RARS2: variants seen among roughly 807,000 people sequenced by gnomAD.
RARS2 encodes arginyl-tRNA synthetase 2, mitochondrial.
In RARS2, 67 loss-of-function variants were observed where a neutral mutation model predicts 88.5. The observed-to-expected ratio is 0.76, with a 90% CI of 0.62 to 0.93. The LOEUF (loss-of-function observed/expected upper bound fraction) is 0.93. Ranked by LOEUF, RARS2 falls within the 40% of genes least tolerant of loss-of-function variation. The pLI, the probability that RARS2 is intolerant of heterozygous loss-of-function variation, is 0.00. For synonymous variants in RARS2, 239 were observed against 230.3 expected, an observed-to-expected ratio of 1.04 and a Z score of -0.34; for missense variants, 664 against 684.2, an observed-to-expected ratio of 0.97 and a Z score of 0.33.
At chr6:87,535,038 T>C (rs1470608308) in intron 8 of RARS2, among the ~76,000 whole-genome samples, 1 of 108,780 alleles carries the variant, frequency 9.2e-6, no homozygotes, top group Non-Finnish European at 1.8e-5. Context: ...TTGCATGATT[T>C]AGTAGGTGGG....
intron 14 of RARS2, 59 bp from the exon 15 acceptor site, chr6:87,518,950 C>G (rs1366723326): frequency 1.3e-6 from 2 of 1,537,790 alleles, no homozygotes; most frequent in Non-Finnish European, 1.8e-6. Context: ...ATCATGGATC[C>G]AAGTGAAGGT....
chr6:87,539,174 T>A (rs1256889395), intron 8 of RARS2, among the ~76,000 whole-genome samples: 2 of 152,120 alleles, frequency 1.3e-5, no homozygotes, highest in African/African-American at 4.8e-5. Flanking sequence ...AAAGAATAAC[T>A]CTCACATGTC....
intron 7 of RARS2, among the ~76,000 whole-genome samples, chr6:87,542,372 A>G (rs529932845): frequency 6.6e-6 from 1 of 152,334 alleles, no homozygotes; most frequent in South Asian, 2.1e-4. Context: ...ATGAAGCTAG[A>G]CACTAGGCAC....
intron 11 of RARS2, among the ~76,000 whole-genome samples, chr6:87,523,671 G>A (rs140537202): frequency 1.3e-5 from 2 of 152,044 alleles, no homozygotes; most frequent in Non-Finnish European, 2.9e-5. Flanking sequence ...AAAAATATAG[G>A]TGTTGAAAAA....
At chr6:87,588,696 C>A (rs4552702) in intron 1 of RARS2, among the ~76,000 whole-genome samples, 60,869 of 151,998 alleles carry the variant, frequency 0.4, 12,293 homozygotes, top group Admixed American at 0.48. Flanking sequence ...CAATAGAAAA[C>A]CTCAATAGTT....
intron 17 of RARS2, 81 bp from the exon 18 acceptor site, chr6:87,516,961 T>C: frequency 4.4e-6 from 7 of 1,582,364 alleles, no homozygotes; most frequent in Non-Finnish European, 6.0e-6. Flanking sequence ...ATTGTGAATA[T>C]AAGGTTGACT....
At chr6:87,526,225 A>G (rs555102800) in intron 10 of RARS2, among the ~76,000 whole-genome samples, 1 of 152,308 alleles carries the variant, frequency 6.6e-6, no homozygotes, top group Admixed American at 6.5e-5. Context: ...AGCAAAAAGA[A>G]TAAAGTTGGG....
chr6:87,533,291 T>G (rs1157637652), intron 8 of RARS2, among the ~76,000 whole-genome samples: 1 of 152,136 alleles, frequency 6.6e-6, no homozygotes, highest in African/African-American at 2.4e-5. Flanking sequence ...CCTTAAAACG[T>G]GAATATTCTT....
intron 2 of RARS2, among the ~76,000 whole-genome samples, chr6:87,568,022 C>T (rs910522885): frequency 1.8e-4 from 27 of 152,072 alleles, no homozygotes; most frequent in Non-Finnish European, 2.5e-4. Context: ...CTGCCTGCCT[C>T]GGCCTCCCAA....
chr6:87,589,284 G>C (rs1205310657), intron 1 of RARS2, among the ~76,000 whole-genome samples: 2 of 152,190 alleles, frequency 1.3e-5, no homozygotes, highest in Non-Finnish European at 2.9e-5. Context: ...GCAGAGGAGG[G>C]AGGACAGCTT....
intron 8 of RARS2, among the ~76,000 whole-genome samples, chr6:87,534,052 T>C (rs1778396016): frequency 6.6e-6 from 1 of 151,982 alleles, no homozygotes; most frequent in Admixed American, 6.6e-5. Context: ...AAAGAACATG[T>C]AAAAATATTC....
intron 12 of RARS2, among the ~76,000 whole-genome samples, chr6:87,521,198 C>A (rs890803778): frequency 6.6e-6 from 1 of 151,956 alleles, no homozygotes; most frequent in Non-Finnish European, 1.5e-5. Context: ...AAATAAAAAA[C>A]AAAAAAACTT....
At chr6:87,524,720 A>C (rs2128036637) in intron 10 of RARS2, 68 bp from the exon 11 acceptor site, 2 of 1,110,832 alleles carry the variant, frequency 1.8e-6, no homozygotes, top group East Asian at 2.4e-5. Context: ...TTAATATCTA[A>C]AACATTAGCA....
chr6:87,535,161 G>C (rs1778740032), intron 8 of RARS2, among the ~76,000 whole-genome samples: 2 of 151,976 alleles, frequency 1.3e-5, no homozygotes, highest in Admixed American at 1.3e-4. Flanking sequence ...ATTCATACTA[G>C]CCATAACAGT....
intron 2 of RARS2, among the ~76,000 whole-genome samples, chr6:87,565,769 C>T (rs1225935723): frequency 6.6e-6 from 1 of 152,156 alleles, no homozygotes; most frequent in Non-Finnish European, 1.5e-5. Flanking sequence ...TAATATGGAA[C>T]TAGAGAATGA....
At chr6:87,545,547 G>A in intron 7 of RARS2, 69 bp downstream of exon 7, 1 of 1,593,468 alleles carries the variant, frequency 6.3e-7, no homozygotes. Flanking sequence ...CCTATATTCT[G>A]TCCAGATCAA....
chr6:87,551,428 C>A (rs1784294823), intron 5 of RARS2, among the ~76,000 whole-genome samples: 1 of 151,662 alleles, frequency 6.6e-6, no homozygotes, highest in African/African-American at 2.4e-5. Flanking sequence ...GAGTTTGAGA[C>A]CAGCCTGACC....
chr6:87,525,105 A>C (rs1417891879), intron 10 of RARS2, among the ~76,000 whole-genome samples: 2 of 152,202 alleles, frequency 1.3e-5, no homozygotes, highest in Non-Finnish European at 2.9e-5. Context: ...TGTATATGAC[A>C]ATCTAAAAAT....
chr6:87,567,204 A>G (rs1022321123), intron 2 of RARS2, among the ~76,000 whole-genome samples: 4 of 152,208 alleles, frequency 2.6e-5, no homozygotes, highest in African/African-American at 9.7e-5. Context: ...GTGAGCCAAG[A>G]TTGTGCCACT....
Sources: gnomAD v4.1 joint callset for allele counts (sites outside exome capture counted in the v4.1 genomes callset) on GRCh38, gnomAD v4.1.1 for gene constraint, MANE v1.5 for transcripts, NCBI Gene and HGNC (gene_info 2026-07-23, HGNC 2026-07-21) for gene names.